The following SORCS2 variants were observed in gnomAD, a reference collection of about 807,000 sequenced individuals.
SORCS2 encodes sortilin related VPS10 domain containing receptor 2, also known as VPS10 domain-containing receptor SorCS2.
A neutral mutation model predicts 141.6 loss-of-function variants in SORCS2; 100 were observed. The ratio of observed to expected loss-of-function variants is 0.71; its 90% confidence interval spans 0.60 to 0.83. The LOEUF (loss-of-function observed/expected upper bound fraction) is 0.83, where lower values mean the gene tolerates loss of function less well. Ranked by LOEUF, SORCS2 falls within the 40% of genes least tolerant of loss-of-function variation. The pLI is 0.00. For missense variants in SORCS2, 1,646 were observed against 1,560.2 expected (o/e 1.05, Z -0.93); for synonymous variants, 789 against 676.9 (o/e 1.17, Z -2.57).
chr4:7,640,101 A>G (rs1031535984), intron 4 of SORCS2, among the ~76,000 whole-genome samples: 2 of 149,770 alleles, frequency 1.3e-5, no homozygotes, highest in Non-Finnish European at 3.0e-5. Context: ...GTGTGCTTGT[A>G]GGTGTGTGTA....
chr4:7,480,361 T>C (rs907528258), intron 2 of SORCS2, among the ~76,000 whole-genome samples: 1 of 152,070 alleles, frequency 6.6e-6, no homozygotes, highest in Non-Finnish European at 1.5e-5. Context: ...AGAAGTGACA[T>C]TCCCAAACTC....
At chr4:7,734,438 A>C in intron 25 of SORCS2, 64 bp downstream of exon 25, 1 of 1,173,750 alleles carries the variant, frequency 8.5e-7, no homozygotes, top group East Asian at 2.8e-5. Context: ...AGCCAGGCCC[A>C]ACTCACTCAG....
intron 1 of SORCS2, among the ~76,000 whole-genome samples, chr4:7,257,585 C>G (rs1713988155): frequency 6.6e-6 from 1 of 152,186 alleles, no homozygotes; most frequent in Admixed American, 6.5e-5. Context: ...AGCTTGTGTC[C>G]TGCACACTGA....
In SORCS2 at chr4:7,723,607, A is replaced by ATGAGTGAG. The variant is rs199708011; in HGVS notation, c.2425-74_2425-67dup. On this transcript the variant is annotated intron_variant, in intron 18 of 26. Transcript: ENST00000507866. ...AGGAAGGGAGGGCGGCAATGAATGA[A>ATGAGTGAG]TGAGTGAGTGAGTGAGTGAGTGAAT... The ATGAGTGAG allele has an allele frequency of 7.8e-6, 11 of 1,403,026 alleles. No homozygotes were observed. In the East Asian group the frequency reaches 9.2e-5, roughly 12 times the overall value. The allele number at this position is 1,403,026 out of a possible 1,614,324, so 86.9% of individuals were successfully genotyped here. A position where few individuals can be genotyped will look rare whatever the true frequency, so the allele number is the denominator to read the frequency against.
rs546422610 is a variant in SORCS2 at position 7,653,330 on chromosome 4, G to A, written c.814-804G>A. ...GTGATCTTGGCTCACTGCAACCTCCGCCTCCTGGGTTCAAGTGATTCTCCT... is the reference window on the plus strand; with the variant it reads ...GTGATCTTGGCTCACTGCAACCTCCACCTCCTGGGTTCAAGTGATTCTCCT... On this transcript the variant is annotated intron_variant, in intron 4 of 26. Coordinates refer to ENST00000507866, the MANE Select transcript of SORCS2 (RefSeq NM_020777.3). Among the ~76,000 whole-genome samples, 152 of 152,238 alleles carry A rather than the reference G, an allele frequency of 1.0e-3. 1 individual carries two copies. The highest frequency in any genetic ancestry group is 3.1e-3 in the African/African-American group (127 of 41,528).
chr4:7,500,292 G>A (rs1731884793), intron 2 of SORCS2, among the ~76,000 whole-genome samples: 1 of 139,150 alleles, frequency 7.2e-6, no homozygotes, highest in African/African-American at 2.7e-5. Flanking sequence ...GGCAGGATAA[G>A]GTGGATCAAT....
intron 1 of SORCS2, among the ~76,000 whole-genome samples, chr4:7,299,584 G>A (rs754515662): frequency 7.2e-5 from 11 of 152,204 alleles, no homozygotes; most frequent in Non-Finnish European, 1.5e-4. Flanking sequence ...TTTCTACTTG[G>A]TTGGTTTCTG....
At chr4:7,379,017 C>T (rs191665918) in intron 1 of SORCS2, among the ~76,000 whole-genome samples, 93 of 152,292 alleles carry the variant, frequency 6.1e-4, no homozygotes, top group African/African-American at 2.0e-3. Flanking sequence ...CATACCCCGG[C>T]CTTTGTTTTA....
At chr4:7,519,550 T>C (rs1377796777) in intron 2 of SORCS2, among the ~76,000 whole-genome samples, 1 of 152,224 alleles carries the variant, frequency 6.6e-6, no homozygotes, top group African/African-American at 2.4e-5. Flanking sequence ...ACCCAGCACG[T>C]GGCGGCCACG....
In SORCS2 at chr4:7,475,725, T is replaced by G. The variant is rs376612850; in HGVS notation, c.549-55805T>G. Among the ~76,000 whole-genome samples the G allele has an allele frequency of 9.2e-5, 14 of 152,160 alleles. No individual in the cohort carries two copies. The East Asian group carries it at 2.5e-3, about 27-fold the overall frequency. ...CACACACAACACACATACACACACA[T>G]GCACATATACATGACCCCTGCTCCC... is the stretch of plus-strand genomic sequence containing the variant. On this transcript the variant is annotated intron_variant, in intron 2 of 26. Transcript: ENST00000507866.
chr4:7,554,370 G>T (rs1713950075), intron 3 of SORCS2, among the ~76,000 whole-genome samples: 1 of 152,144 alleles, frequency 6.6e-6, no homozygotes, highest in African/African-American at 2.4e-5. Context: ...GACCACATAA[G>T]TGAATGACAT....
At chr4:7,347,792 T>C (rs934295715) in intron 1 of SORCS2, among the ~76,000 whole-genome samples, 1 of 152,266 alleles carries the variant, frequency 6.6e-6, no homozygotes, top group Non-Finnish European at 1.5e-5. Flanking sequence ...TTAACCTTGA[T>C]AACATCTTTA....
intron 11 of SORCS2, among the ~76,000 whole-genome samples, chr4:7,693,791 C>T (rs554601782): frequency 5.9e-5 from 9 of 152,368 alleles, no homozygotes; most frequent in East Asian, 3.9e-4. Context: ...TAGCACAGTC[C>T]CTTTTTTGGC....
intron 2 of SORCS2, among the ~76,000 whole-genome samples, chr4:7,518,504 C>G (rs927207808): frequency 5.3e-5 from 8 of 152,174 alleles, no homozygotes; most frequent in African/African-American, 1.7e-4. Flanking sequence ...CCAGCTAATT[C>G]CATTGTGTTG....
In SORCS2 at chr4:7,286,597, C is replaced by A. The variant is rs562045271; in HGVS notation, c.480+93471C>A. Among the ~76,000 whole-genome samples the A allele has an allele frequency of 6.6e-6, 1 of 152,246 alleles. No homozygotes were observed. Among genetic ancestry groups the A allele is most frequent in the African/African-American group, 2.4e-5 (1 of 41,546 alleles). On this transcript the variant is annotated intron_variant, in intron 1 of 26. Coordinates refer to ENST00000507866, the MANE Select transcript of SORCS2 (RefSeq NM_020777.3). This position sits in a 1 kb window ranked among gnomAD's most constrained non-coding sequence, Gnocchi z 4.1. ...TGGTCCCATTCGGTCCCAGGCCAGCCCCCCGTATCTTACGGATGGAGGACA... is the reference window on the plus strand; with the variant it reads ...TGGTCCCATTCGGTCCCAGGCCAGCACCCCGTATCTTACGGATGGAGGACA...
At chr4:7,200,536 T>C (rs1461137475) in intron 1 of SORCS2, among the ~76,000 whole-genome samples, 1 of 152,224 alleles carries the variant, frequency 6.6e-6, no homozygotes, top group Non-Finnish European at 1.5e-5. Flanking sequence ...TTATGCTTAG[T>C]ACACATTTGC....
chr4:7,656,987 C>A (rs1183767152), intron 5 of SORCS2, among the ~76,000 whole-genome samples: 1 of 152,258 alleles, frequency 6.6e-6, no homozygotes, highest in Non-Finnish European at 1.5e-5. Context: ...CAGTGGAGAC[C>A]TCAACAAGCA....
intron 1 of SORCS2, among the ~76,000 whole-genome samples, chr4:7,275,456 GTC>G (rs1282785541): frequency 1.3e-5 from 2 of 152,182 alleles, no homozygotes; most frequent in Non-Finnish European, 2.9e-5. Flanking sequence ...AATCACCCGT[GTC>G]TGCTCTGCGA....
chr4:7,695,502 GA>G (rs1724568422), intron 11 of SORCS2, among the ~76,000 whole-genome samples: 1 of 53,766 alleles, frequency 1.9e-5, no homozygotes, highest in Non-Finnish European at 3.4e-5. Context: ...GTGGGTGGGT[GA>G]GTGGATGGGT....
Sources: gnomAD v4.1 joint callset for allele counts (sites outside exome capture counted in the v4.1 genomes callset) on GRCh38, gnomAD v4.1.1 for gene constraint, Gnocchi (gnomAD v3.1) non-coding constraint, MANE v1.5 for transcripts, NCBI Gene and HGNC (gene_info 2026-07-23, HGNC 2026-07-21) for gene names.